Variants in NDST4 observed in about 807,000 individuals in gnomAD.
NDST4 encodes the protein N-deacetylase and N-sulfotransferase 4.
NDST4 carries 63 observed loss-of-function variants against 100.8 expected under a neutral mutation model. The ratio of observed to expected loss-of-function variants is 0.62; its 90% CI spans 0.51 to 0.77. The LOEUF (loss-of-function observed/expected upper bound fraction) is 0.77. Ranked by LOEUF, NDST4 falls within the 30% of genes least tolerant of loss-of-function variation. The pLI, the probability that NDST4 is intolerant of heterozygous loss-of-function variation, is 0.00. For synonymous variants in NDST4, 377 were observed against 361.8 expected, an observed-to-expected ratio of 1.04 and a Z score of -0.48; for missense variants, 943 against 1,018.4, an observed-to-expected ratio of 0.93 and a Z score of 1.01.
At chr4:115,011,345 A>G (rs1383315488) in intron 2 of NDST4, among the ~76,000 whole-genome samples, 1 of 151,992 alleles carries the variant, frequency 6.6e-6, no homozygotes, top group Non-Finnish European at 1.5e-5. Context: ...GAAAAGTCTT[A>G]TCACTTATCT....
At chr4:115,094,051 T>C (rs911886608) in intron 1 of NDST4, among the ~76,000 whole-genome samples, 2 of 151,528 alleles carry the variant, frequency 1.3e-5, no homozygotes, top group Non-Finnish European at 2.9e-5. Context: ...TAAAACAAGA[T>C]AAAGCAAACA....
chr4:115,087,407 T>C (rs1729428203), intron 1 of NDST4, among the ~76,000 whole-genome samples: 1 of 152,070 alleles, frequency 6.6e-6, no homozygotes, highest in African/African-American at 2.4e-5. Flanking sequence ...AATTCAAGTA[T>C]TTCTCTTATT....
chr4:115,066,296 A>C (rs1728946558), intron 2 of NDST4, among the ~76,000 whole-genome samples: 1 of 152,152 alleles, frequency 6.6e-6, no homozygotes, highest in African/African-American at 2.4e-5. Flanking sequence ...GCAATTTTTT[A>C]AGTGGAGAAT....
At chr4:114,887,262 GTT>G (rs1724499171) in intron 6 of NDST4, among the ~76,000 whole-genome samples, 5 of 152,154 alleles carry the variant, frequency 3.3e-5, no homozygotes, top group Admixed American at 3.3e-4. Flanking sequence ...CAAACTCTTT[GTT>G]TAGTGTAAAA....
intron 2 of NDST4, among the ~76,000 whole-genome samples, chr4:115,071,613 T>C (rs1254279403): frequency 6.6e-6 from 1 of 152,092 alleles, no homozygotes; most frequent in African/African-American, 2.4e-5. Context: ...ACACCTCTTT[T>C]ATACTATTTC....
At chr4:115,068,024 G>A (rs1453715954) in intron 2 of NDST4, among the ~76,000 whole-genome samples, 1 of 151,516 alleles carries the variant, frequency 6.6e-6, no homozygotes, top group East Asian at 2.0e-4. Context: ...ATAGTTTGCT[G>A]AGAATGATGG....
chr4:114,903,662 T>C (rs1478741485), intron 6 of NDST4, among the ~76,000 whole-genome samples: 1 of 152,066 alleles, frequency 6.6e-6, no homozygotes, highest in Non-Finnish European at 1.5e-5. Flanking sequence ...GTTTAGTTTG[T>C]TCAGCTTTGT....
intron 6 of NDST4, among the ~76,000 whole-genome samples, chr4:114,929,101 C>G (rs113115187): frequency 0.076 from 9,799 of 129,446 alleles, 786 homozygotes; most frequent in African/African-American, 0.22. Flanking sequence ...TCCATCCATC[C>G]ATCCATCCAT....
At chr4:115,080,110 T>C (rs1206789769) in intron 1 of NDST4, among the ~76,000 whole-genome samples, 1 of 152,102 alleles carries the variant, frequency 6.6e-6, no homozygotes, top group African/African-American at 2.4e-5. Context: ...GAATTACTAA[T>C]ACTCTATTTA....
At chr4:114,895,247 G>C (rs1257664302) in intron 6 of NDST4, among the ~76,000 whole-genome samples, 1 of 151,834 alleles carries the variant, frequency 6.6e-6, no homozygotes, top group Non-Finnish European at 1.5e-5. Context: ...GCTATACTAA[G>C]AAAGAAGAAG....
chr4:114,930,359 C>T (rs896014074), intron 6 of NDST4, among the ~76,000 whole-genome samples: 1 of 152,116 alleles, frequency 6.6e-6, no homozygotes, highest in Non-Finnish European at 1.5e-5. Flanking sequence ...AGTGTGGTGC[C>T]ATTAAACCCA....
intron 4 of NDST4, among the ~76,000 whole-genome samples, chr4:114,945,917 C>T (rs893555946): frequency 1.3e-5 from 2 of 150,902 alleles, no homozygotes; most frequent in African/African-American, 2.5e-5. Flanking sequence ...TGAAGCCTAG[C>T]AAATGGTGAC....
intron 7 of NDST4, among the ~76,000 whole-genome samples, chr4:114,868,074 ACTTTTT>A (rs1357510622): frequency 6.6e-6 from 1 of 152,166 alleles, no homozygotes; most frequent in Non-Finnish European, 1.5e-5. Context: ...ATCATTTTTC[ACTTTTT>A]CTTTTATTTG....
intron 6 of NDST4, among the ~76,000 whole-genome samples, chr4:114,896,940 G>T (rs893177571): frequency 6.6e-6 from 1 of 151,788 alleles, no homozygotes; most frequent in Non-Finnish European, 1.5e-5. Context: ...ATCAATTTTC[G>T]GTTCAGAGCA....
intron 2 of NDST4, among the ~76,000 whole-genome samples, chr4:115,043,973 G>T (rs922997915): frequency 1.3e-5 from 2 of 151,998 alleles, no homozygotes; most frequent in Non-Finnish European, 2.9e-5. Flanking sequence ...ATAAACATGC[G>T]TTTTAGATGC....
intron 1 of NDST4, among the ~76,000 whole-genome samples, chr4:115,111,571 TTTATTTA>T (rs1729953754): frequency 6.6e-6 from 1 of 150,664 alleles, no homozygotes; most frequent in African/African-American, 2.4e-5. Context: ...TATTTGCATT[TTTATTTA>T]TTATTTATAT....
chr4:114,842,719 T>A (rs1723455410), intron 10 of NDST4: 2 of 189,364 alleles, frequency 1.1e-5, no homozygotes, highest in Admixed American at 6.4e-5. Context: ...GAGAATGGCA[T>A]GAACCTGGGA....
intron 7 of NDST4, among the ~76,000 whole-genome samples, chr4:114,861,067 T>G (rs1324574211): frequency 3.3e-5 from 5 of 152,252 alleles, no homozygotes; most frequent in Non-Finnish European, 7.3e-5. Flanking sequence ...TCAGTTATAC[T>G]GTATTCACTA....
chr4:114,955,983 G>A (rs905754761), intron 4 of NDST4: 2 of 152,236 alleles, frequency 1.3e-5, no homozygotes, highest in African/African-American at 4.8e-5. Flanking sequence ...GTATGCAGAA[G>A]TTCTATTCTA....
Sources: allele counts gnomAD v4.1 joint callset (sites outside exome capture counted in the v4.1 genomes callset), GRCh38; gene constraint gnomAD v4.1.1; transcripts MANE v1.5; gene names NCBI Gene and HGNC (gene_info 2026-07-23, HGNC 2026-07-21).